The following CFAP206 variants were observed in gnomAD, a reference collection of about 807,000 sequenced individuals.
CFAP206 encodes cilia- and flagella-associated protein 206.
Under a neutral mutation model 65.4 loss-of-function variants are expected in CFAP206, and 53 were observed. The observed-to-expected ratio is 0.81, with a 90% CI of 0.65 to 1.02. The LOEUF is 1.02. Ranked by LOEUF, CFAP206 falls within the 50% of genes least tolerant of loss-of-function variation. The probability of loss-of-function intolerance (pLI) is 0.00; values close to 1 mark genes in which losing one functional copy is unlikely to be tolerated. For synonymous variants in CFAP206, 250 were observed against 254.4 expected (o/e 0.98, Z 0.17); for missense variants, 663 against 753.2 (o/e 0.88, Z 1.40).
intron 11 of CFAP206, 117 bp from the exon 12 acceptor site, chr6:87,460,905 C>A: frequency 2.6e-6 from 2 of 774,824 alleles, no homozygotes; most frequent in Non-Finnish European, 4.0e-6. Context: ...CAAGTATATT[C>A]CATGTCCAAA....
chr6:87,410,724 A>AATATTG, intron 3 of CFAP206, 56 bp downstream of exon 3: 5 of 1,320,748 alleles, frequency 3.8e-6, no homozygotes, highest in Admixed American at 1.7e-5. Context: ...TGTAAATACA[A>AATATTG]TATTTGTATT....
chr6:87,416,705 G>C lies in CFAP206; in HGVS notation c.509G>C (p.Gly170Ala), dbSNP rs16879281. Residue 170 changes from glycine to alanine, a missense_variant, in exon 6 of 13, where the codon GGG becomes GCG. By Grantham distance (60) the Gly-to-Ala change is moderately conservative (BLOSUM62 0). Transcript: ENST00000369562. ...LQSVFPQAEL[G>A]TFLTLSKKDK... ...AGTGTTTTTCCTCAGGCAGAGCTTG[G>C]GACATTTCTAACTCTTTCTAAGAAG... The C allele has an allele frequency of 0.11, 175,612 of 1,612,202 alleles. 9,983 individuals are homozygous for C. The highest frequency in any genetic ancestry group is 0.11 in the Non-Finnish European group (132,526 of 1,179,128).
intron 1 of CFAP206, among the ~76,000 whole-genome samples, chr6:87,409,474 A>G (rs575297970): frequency 2.7e-5 from 4 of 150,276 alleles, no homozygotes; most frequent in Non-Finnish European, 5.9e-5. Context: ...TGGCCTCCCA[A>G]AGTGCTGGGA....
intron 4 of CFAP206, among the ~76,000 whole-genome samples, chr6:87,414,819 A>G (rs1767796666): frequency 6.6e-6 from 1 of 152,204 alleles, no homozygotes; most frequent in South Asian, 2.1e-4. Flanking sequence ...AAAAGTATAT[A>G]TCTTGCGTTT....
At chr6:87,425,343 C>T (rs1254626952) in intron 7 of CFAP206, among the ~76,000 whole-genome samples, 1 of 152,140 alleles carries the variant, frequency 6.6e-6, no homozygotes, top group African/African-American at 2.4e-5. Context: ...CTTTAATAAC[C>T]TTTCAGTTTA....
intron 11 of CFAP206, among the ~76,000 whole-genome samples, chr6:87,438,508 G>T (rs1488772601): frequency 6.6e-6 from 1 of 151,428 alleles, no homozygotes; most frequent in Non-Finnish European, 1.5e-5. Flanking sequence ...AGTTGGACAG[G>T]CAGTTGCTGG....
intron 4 of CFAP206, 128 bp downstream of exon 4, chr6:87,414,028 C>A: frequency 2.3e-6 from 1 of 443,520 alleles, no homozygotes. Context: ...TGGCAATCAA[C>A]TTTGAGGAAT....
At chr6:87,432,415 T>C (rs1768175165) in intron 10 of CFAP206, among the ~76,000 whole-genome samples, 1 of 152,198 alleles carries the variant, frequency 6.6e-6, no homozygotes, top group African/African-American at 2.4e-5. Flanking sequence ...CAATGGAATG[T>C]AGATAGTTTC....
At chr6:87,458,070 G>T (rs1341146003) in intron 11 of CFAP206, among the ~76,000 whole-genome samples, 1 of 151,996 alleles carries the variant, frequency 6.6e-6, no homozygotes. Context: ...ATATGAAAAG[G>T]TGCTCAACAT....
chr6:87,411,600 T>C (rs909651259), intron 3 of CFAP206, among the ~76,000 whole-genome samples: 2 of 152,082 alleles, frequency 1.3e-5, no homozygotes, highest in African/African-American at 4.8e-5. Context: ...CGTAGGCCAA[T>C]GCCCAGCCCC....
chr6:87,460,976 A>G, intron 11 of CFAP206, 46 bp from the exon 12 acceptor site: 1 of 1,505,100 alleles, frequency 6.6e-7, no homozygotes, highest in Non-Finnish European at 8.9e-7. Context: ...TCAGTAAATA[A>G]TGTTTATTTT....
At chr6:87,457,746 C>T (rs1768673480) in intron 11 of CFAP206, among the ~76,000 whole-genome samples, 1 of 152,092 alleles carries the variant, frequency 6.6e-6, no homozygotes, top group Non-Finnish European at 1.5e-5. Flanking sequence ...GGGAAACTCT[C>T]CAGGATATTG....
chr6:87,441,235 C>A, intron 11 of CFAP206: 1 of 232,258 alleles, frequency 4.3e-6, no homozygotes, highest in South Asian at 9.6e-5. Flanking sequence ...ACATAGTACT[C>A]TAGCAATCAG....
At chr6:87,425,032 C>T (rs1361014257) in intron 7 of CFAP206, among the ~76,000 whole-genome samples, 1 of 152,160 alleles carries the variant, frequency 6.6e-6, no homozygotes, top group Non-Finnish European at 1.5e-5. Context: ...CTGTCATCAA[C>T]TTTTAAAACT....
chr6:87,430,691 G>A (rs886574793), intron 9 of CFAP206, among the ~76,000 whole-genome samples: 2 of 152,172 alleles, frequency 1.3e-5, no homozygotes, highest in South Asian at 2.1e-4. Context: ...GCAGCAGGAA[G>A]CACCACACAC....
chr6:87,461,822 G>A (rs1396489283), intron 12 of CFAP206, among the ~76,000 whole-genome samples: 1 of 152,100 alleles, frequency 6.6e-6, no homozygotes, highest in Non-Finnish European at 1.5e-5. Context: ...ACAAAGCAAG[G>A]CTATTTATTT....
intron 9 of CFAP206, among the ~76,000 whole-genome samples, chr6:87,429,564 A>G (rs546783215): frequency 6.6e-6 from 1 of 152,310 alleles, no homozygotes; most frequent in East Asian, 1.9e-4. Context: ...GAGCTTATTT[A>G]GGTCCTTTAG....
At chr6:87,452,155 G>A (rs1768557594) in intron 11 of CFAP206, among the ~76,000 whole-genome samples, 1 of 152,168 alleles carries the variant, frequency 6.6e-6, no homozygotes, top group African/African-American at 2.4e-5. Flanking sequence ...AGTAAGGGAG[G>A]AGAACAAGAG....
chr6:87,409,734 T>C (rs1767697133), intron 1 of CFAP206, 101 bp from the exon 2 acceptor site: 1 of 725,108 alleles, frequency 1.4e-6, no homozygotes, highest in Admixed American at 2.6e-5. Context: ...TAGATGATAT[T>C]ATGACTGTTT....
Sources: allele counts gnomAD v4.1 joint callset (sites outside exome capture counted in the v4.1 genomes callset), GRCh38; gene constraint gnomAD v4.1.1; transcripts MANE v1.5; gene names NCBI Gene and HGNC (gene_info 2026-07-23, HGNC 2026-07-21).